The following MTUS2 variants were observed in gnomAD, a reference collection of about 807,000 sequenced individuals.
The protein encoded by MTUS2 is microtubule-associated tumor suppressor candidate 2.
In MTUS2, 40 loss-of-function variants were observed where a neutral mutation model predicts 114.1. That is an observed-to-expected ratio of 0.35 (90% CI 0.27 to 0.46). MTUS2 has a LOEUF of 0.46. MTUS2 is among the 20% of genes least tolerant of loss of function. The probability of loss-of-function intolerance (pLI) is 1.00; values close to 1 mark genes in which losing one functional copy is unlikely to be tolerated. For missense variants in MTUS2, 1,679 were observed against 1,705.4 expected (o/e 0.98, Z 0.27); for synonymous variants, 688 against 672.0 (o/e 1.02, Z -0.37).
intron 5 of MTUS2, among the ~76,000 whole-genome samples, chr13:29,214,265 C>T (rs567915637): frequency 9.9e-5 from 15 of 151,608 alleles, no homozygotes; most frequent in South Asian, 6.3e-4. Context: ...GCATGTGAGA[C>T]GGGTCTCCTG....
At chr13:28,927,727 A>C (rs1040370677) in intron 2 of MTUS2, among the ~76,000 whole-genome samples, 6 of 152,236 alleles carry the variant, frequency 3.9e-5, no homozygotes, top group Admixed American at 1.3e-4. Flanking sequence ...AATCCCTATC[A>C]AAATACCAGT....
intron 5 of MTUS2, among the ~76,000 whole-genome samples, chr13:29,197,083 G>T (rs1397535570): frequency 6.6e-6 from 1 of 151,938 alleles, no homozygotes; most frequent in Non-Finnish European, 1.5e-5. Context: ...TTAACTTCTG[G>T]GATACATGTG....
At chr13:29,089,188 AT>A (rs1889830235) in intron 4 of MTUS2, among the ~76,000 whole-genome samples, 1 of 152,058 alleles carries the variant, frequency 6.6e-6, no homozygotes, top group African/African-American at 2.4e-5. Flanking sequence ...TCTGAAAAGG[AT>A]TTTATTTCTC....
At chr13:29,039,215 G>GCC (rs1450511346) in intron 4 of MTUS2, among the ~76,000 whole-genome samples, 1 of 152,248 alleles carries the variant, frequency 6.6e-6, no homozygotes, top group East Asian at 1.9e-4. Flanking sequence ...CAGCACCCTG[G>GCC]CCCGGGGCTA....
intron 5 of MTUS2, among the ~76,000 whole-genome samples, chr13:29,136,658 G>T (rs1013580189): frequency 1.3e-5 from 2 of 152,188 alleles, no homozygotes; most frequent in Non-Finnish European, 2.9e-5. Flanking sequence ...CTAGAGGTTG[G>T]CTGGCCCAAA....
At chr13:29,051,379 G>A (rs1424865535) in intron 4 of MTUS2, among the ~76,000 whole-genome samples, 1 of 152,160 alleles carries the variant, frequency 6.6e-6, no homozygotes, top group Non-Finnish European at 1.5e-5. Flanking sequence ...CTAGGCCTGT[G>A]CAGAAATATG....
chr13:28,844,590 A>AGT (rs60819520), intron 2 of MTUS2, among the ~76,000 whole-genome samples: 2,468 of 148,166 alleles, frequency 0.017, 36 homozygotes, highest in African/African-American at 0.026. Context: ...TTTGTGTGTG[A>AGT]GTGTGTGTGT....
intron 2 of MTUS2, among the ~76,000 whole-genome samples, chr13:28,916,313 G>A (rs1880743014): frequency 1.3e-5 from 2 of 151,720 alleles, no homozygotes; most frequent in Admixed American, 1.3e-4. Flanking sequence ...TATTAGCGTT[G>A]TTTTTTCTGT....
chr13:29,438,240 T>C (rs1487702542), intron 8 of MTUS2, among the ~76,000 whole-genome samples: 2 of 152,142 alleles, frequency 1.3e-5, no homozygotes, highest in Non-Finnish European at 2.9e-5. Context: ...CTCTCAGATG[T>C]AGTTGTTAAC....
intron 6 of MTUS2, among the ~76,000 whole-genome samples, chr13:29,311,493 T>C (rs1161263951): frequency 6.6e-6 from 1 of 152,236 alleles, no homozygotes; most frequent in African/African-American, 2.4e-5. Flanking sequence ...AAATAATGCA[T>C]TTAAATGGTT....
intron 7 of MTUS2, among the ~76,000 whole-genome samples, chr13:29,342,945 A>AT (rs1901472747): frequency 6.6e-6 from 1 of 152,130 alleles, no homozygotes; most frequent in Admixed American, 6.5e-5. Context: ...AATTCTGTTT[A>AT]TATGGTGTAT....
chr13:29,021,134 G>A (rs974198224), intron 2 of MTUS2, among the ~76,000 whole-genome samples: 6 of 152,162 alleles, frequency 3.9e-5, no homozygotes, highest in Non-Finnish European at 8.8e-5. Flanking sequence ...AGATGTGGTG[G>A]TGTGCACCTG....
At chr13:29,233,873 T>G (rs896275736) in intron 5 of MTUS2, among the ~76,000 whole-genome samples, 6 of 152,206 alleles carry the variant, frequency 3.9e-5, no homozygotes, top group Non-Finnish European at 5.9e-5. Context: ...AAAAAGACAT[T>G]TGAAAAGTTG....
intron 4 of MTUS2, among the ~76,000 whole-genome samples, chr13:29,090,286 A>G (rs1177827241): frequency 6.6e-6 from 1 of 152,168 alleles, no homozygotes; most frequent in African/African-American, 2.4e-5. Flanking sequence ...CCTTGAGGTC[A>G]GGCATCTCCT....
chr13:29,234,255 G>T (rs1179094449), intron 5 of MTUS2, among the ~76,000 whole-genome samples: 1 of 152,170 alleles, frequency 6.6e-6, no homozygotes, highest in African/African-American at 2.4e-5. Flanking sequence ...TGGGGCTTCA[G>T]TAGTGTACAG....
intron 4 of MTUS2, among the ~76,000 whole-genome samples, chr13:29,091,467 T>G (rs1889945610): frequency 6.6e-6 from 1 of 151,222 alleles, no homozygotes; most frequent in Non-Finnish European, 1.5e-5. Context: ...AATGCCGATC[T>G]CAGTACTCCA....
At chr13:29,432,104 C>T (rs1048749860) in intron 8 of MTUS2, among the ~76,000 whole-genome samples, 15 of 151,156 alleles carry the variant, frequency 9.9e-5, no homozygotes, top group African/African-American at 3.6e-4. Context: ...CCACCCACCT[C>T]GGCCACCCAA....
chr13:29,133,932 G>A (rs1181777904), intron 5 of MTUS2, among the ~76,000 whole-genome samples: 2 of 151,916 alleles, frequency 1.3e-5, no homozygotes, highest in African/African-American at 4.8e-5. Context: ...ATTAGTTTTG[G>A]GTTTAATTTG....
intron 2 of MTUS2, among the ~76,000 whole-genome samples, chr13:28,953,140 C>T (rs1413435657): frequency 6.6e-6 from 1 of 150,446 alleles, no homozygotes; most frequent in Non-Finnish European, 1.5e-5. Flanking sequence ...TCTTTTTGTT[C>T]TTGACTTTGC....
Sources: allele counts gnomAD v4.1 joint callset (sites outside exome capture counted in the v4.1 genomes callset), GRCh38; gene constraint gnomAD v4.1.1; transcripts MANE v1.5; gene names NCBI Gene and HGNC (gene_info 2026-07-23, HGNC 2026-07-21).